Variants in UBE2E2 observed in about 807,000 individuals in gnomAD.
The protein encoded by UBE2E2 is ubiquitin conjugating enzyme E2 E2.
In UBE2E2, 6 loss-of-function variants were observed where a neutral mutation model predicts 24.7. That is an observed-to-expected ratio of 0.24 (90% CI 0.13 to 0.48). UBE2E2 has a LOEUF of 0.48. Among genes scored for constraint, UBE2E2 ranks in the 20% least tolerant of loss-of-function variants. The probability of loss-of-function intolerance (pLI) is 0.99; values close to 1 mark genes in which losing one functional copy is unlikely to be tolerated. For synonymous variants in UBE2E2, 104 were observed against 83.6 expected (o/e 1.24, Z -1.33); for missense variants, 169 against 245.0 (o/e 0.69, Z 2.07).
intron 3 of UBE2E2, among the ~76,000 whole-genome samples, chr3:23,299,067 T>C (rs1347359144): frequency 6.6e-6 from 1 of 152,232 alleles, no homozygotes; most frequent in Non-Finnish European, 1.5e-5. Flanking sequence ...TTTTCTAGTT[T>C]ATTTGCATAG....
At position 23,359,220 on chromosome 3, in the gene UBE2E2, TA is replaced by T. The variant is rs535166116; in HGVS notation, c.228-140386del. ...CTCTTTCAGGATCATTTCCCTACTC[TA>T]ATGATGTTGCTAAGGGGAATGGCAG... On this transcript the variant is annotated intron_variant, in intron 3 of 5. Transcript: ENST00000396703. Among the ~76,000 whole-genome samples the T allele has an allele frequency of 1.2e-4, 18 of 152,314 alleles. No homozygotes were observed. The East Asian group carries it at 2.7e-3, about 23-fold the overall frequency.
intron 3 of UBE2E2, among the ~76,000 whole-genome samples, chr3:23,272,898 G>A (rs952498839): frequency 3.9e-5 from 6 of 152,084 alleles, no homozygotes; most frequent in African/African-American, 7.2e-5. Context: ...TTTGAGTCCC[G>A]AAGCAGGAAA....
rs550631831 is a variant in UBE2E2, at chr3:23,475,950, C to T, written c.228-23658C>T. Among the ~76,000 whole-genome samples the T allele has an allele frequency of 4.6e-5, 7 of 152,166 alleles. No homozygotes were observed. In the South Asian group the frequency reaches 1.5e-3, roughly 32 times the overall value. ...GCTAGTAAAATAAGAATCAGGAGGC[C>T]TTCACAGGACTGGAGTTAATCAGAA... is the stretch of plus-strand genomic sequence containing the variant. On this transcript the variant is annotated intron_variant, in intron 3 of 5. Coordinates refer to ENST00000396703, the MANE Select transcript of UBE2E2 (RefSeq NM_152653.4).
chr3:23,299,198 C>T (rs959039084), intron 3 of UBE2E2, among the ~76,000 whole-genome samples: 7 of 152,202 alleles, frequency 4.6e-5, no homozygotes, highest in South Asian at 2.1e-4. Context: ...GTCTTGCTGG[C>T]GGTCTATCAA....
At chr3:23,386,768 G>T (rs1256802415) in intron 3 of UBE2E2, among the ~76,000 whole-genome samples, 3 of 152,168 alleles carry the variant, frequency 2.0e-5, no homozygotes, top group Non-Finnish European at 2.9e-5. Flanking sequence ...TCAGAGTAGG[G>T]AGTAGAATTT....
At chr3:23,329,512 C>T (rs572881737) in intron 3 of UBE2E2, among the ~76,000 whole-genome samples, 2 of 152,300 alleles carry the variant, frequency 1.3e-5, no homozygotes, top group Admixed American at 6.5e-5. Context: ...AATGAATTGA[C>T]GCAAGGAATT....
intron 5 of UBE2E2, among the ~76,000 whole-genome samples, chr3:23,558,156 G>A (rs1302444598): frequency 2.6e-5 from 4 of 152,174 alleles, no homozygotes; most frequent in Non-Finnish European, 5.9e-5. Context: ...ATAGCTTGAT[G>A]CCCTAACAAA....
At chr3:23,568,586 TATATAC>T (rs1426337417) in intron 5 of UBE2E2, among the ~76,000 whole-genome samples, 1 of 115,618 alleles carries the variant, frequency 8.6e-6, no homozygotes, top group Non-Finnish European at 1.7e-5. Context: ...TATATATAAT[TATATAC>T]ATATATATGT....
rs1225099981 is a variant in UBE2E2 at position 23,226,551 on chromosome 3, T to C, written c.227+9239T>C. On this transcript the variant is annotated intron_variant, in intron 3 of 5. Transcript: ENST00000396703. ...CACTGCGCCCGGCCAGGAAAACATC[T>C]TTAAGGAGGGATGTGAACTTGGCTT... Among the ~76,000 whole-genome samples, 4 of 152,174 alleles carry C rather than the reference T, an allele frequency of 2.6e-5. No individual in the cohort carries two copies. The East Asian group carries it at 7.7e-4, about 29-fold the overall frequency.
intron 3 of UBE2E2, among the ~76,000 whole-genome samples, chr3:23,380,046 G>T (rs1362274141): frequency 7.5e-6 from 1 of 132,696 alleles, no homozygotes; most frequent in Non-Finnish European, 1.6e-5. Context: ...ACTTTACCTT[G>T]AATATAAAGG....
intron 3 of UBE2E2, among the ~76,000 whole-genome samples, chr3:23,225,364 C>T (rs1298231732): frequency 6.6e-6 from 1 of 151,908 alleles, no homozygotes; most frequent in African/African-American, 2.4e-5. Flanking sequence ...TCTTAGAAAC[C>T]ATTGCCTAAT....
At chr3:23,276,835 TAAAC>T (rs947073562) in intron 3 of UBE2E2, among the ~76,000 whole-genome samples, 4 of 151,364 alleles carry the variant, frequency 2.6e-5, no homozygotes, top group South Asian at 2.1e-4. Flanking sequence ...GACTATTATA[TAAAC>T]AAAGATTGAC....
chr3:23,485,337 C>T (rs954600207), intron 3 of UBE2E2, among the ~76,000 whole-genome samples: 1 of 152,072 alleles, frequency 6.6e-6, no homozygotes, highest in Non-Finnish European at 1.5e-5. Context: ...GTCAAGTGAT[C>T]CACCCACCTC....
At chr3:23,486,906 C>A (rs1027086503) in intron 3 of UBE2E2, among the ~76,000 whole-genome samples, 1 of 152,224 alleles carries the variant, frequency 6.6e-6, no homozygotes, top group Non-Finnish European at 1.5e-5. Context: ...GCAGCCCAGT[C>A]CCCAGACTTC....
chr3:23,307,043 G>T (rs373703959), intron 3 of UBE2E2, among the ~76,000 whole-genome samples: 1 of 152,108 alleles, frequency 6.6e-6, no homozygotes, highest in South Asian at 2.1e-4. Context: ...AAAAGCAACA[G>T]ACAAGCTGAT....
intron 5 of UBE2E2, among the ~76,000 whole-genome samples, chr3:23,550,896 C>G (rs1695627570): frequency 6.6e-6 from 1 of 151,992 alleles, no homozygotes; most frequent in Non-Finnish European, 1.5e-5. Context: ...GAGAGAATGC[C>G]CTAGAAATCT....
At position 23,474,967 on chromosome 3, in the gene UBE2E2, C is replaced by T. The variant is rs1314981334; in HGVS notation, c.228-24641C>T. Among the ~76,000 whole-genome samples the T allele has an allele frequency of 6.6e-6, 1 of 152,062 alleles. No individual in the cohort carries two copies. Among genetic ancestry groups the T allele is most frequent in the Admixed American group, 6.5e-5 (1 of 15,286 alleles). On this transcript the variant is annotated intron_variant, in intron 3 of 5. Transcript: ENST00000396703. The surrounding 1 kb of genome is among the most constrained non-coding windows in gnomAD (Gnocchi z 4.0). ...GACAAGCATTTCACTCAAATTGCTC[C>T]TCTCAAAGTCACCAACTGCATTTTG... is the stretch of plus-strand genomic sequence containing the variant.
chr3:23,443,139 T>C (rs1327572538), intron 3 of UBE2E2, among the ~76,000 whole-genome samples: 5 of 152,162 alleles, frequency 3.3e-5, no homozygotes, highest in Admixed American at 2.0e-4. Flanking sequence ...TCTTCTCTTT[T>C]CTCTTCCTAC....
chr3:23,477,932 C>A (rs1195734764), intron 3 of UBE2E2, among the ~76,000 whole-genome samples: 1 of 152,228 alleles, frequency 6.6e-6, no homozygotes, highest in Non-Finnish European at 1.5e-5. Flanking sequence ...CCTCACCCTT[C>A]TCTCTCCTGT....
Sources: gnomAD v4.1 joint callset for allele counts (sites outside exome capture counted in the v4.1 genomes callset) on GRCh38, gnomAD v4.1.1 for gene constraint, Gnocchi (gnomAD v3.1) non-coding constraint, MANE v1.5 for transcripts, NCBI Gene and HGNC (gene_info 2026-07-23, HGNC 2026-07-21) for gene names.